The following ANKRD44 variants were observed in gnomAD, a reference collection of about 807,000 sequenced individuals.
ANKRD44 encodes ankyrin repeat domain 44, also known as serine/threonine-protein phosphatase 6 regulatory ankyrin repeat subunit B.
A neutral mutation model predicts 116.0 loss-of-function variants in ANKRD44; 35 were observed. The ratio of observed to expected loss-of-function variants is 0.30; its 90% CI spans 0.23 to 0.40. The LOEUF (loss-of-function observed/expected upper bound fraction) is 0.40. Among genes scored for constraint, ANKRD44 ranks in the 10% least tolerant of loss-of-function variants. The pLI is 1.00. For synonymous variants in ANKRD44, 435 were observed against 461.8 expected, an observed-to-expected ratio of 0.94 and a Z score of 0.74; for missense variants, 1,014 against 1,242.6, an observed-to-expected ratio of 0.82 and a Z score of 2.77.
intron 17 of ANKRD44, among the ~76,000 whole-genome samples, chr2:197,024,440 C>G (rs1305311681): frequency 6.6e-6 from 1 of 152,172 alleles, no homozygotes; most frequent in East Asian, 1.9e-4. Context: ...GTGTGGCTGC[C>G]AGTCAGCAGG....
chr2:197,040,765 C>T (rs1259092520), intron 16 of ANKRD44, among the ~76,000 whole-genome samples: 1 of 152,124 alleles, frequency 6.6e-6, no homozygotes, highest in African/African-American at 2.4e-5. Context: ...TAGCTTATTG[C>T]CCTGTAGGAC....
intron 1 of ANKRD44, among the ~76,000 whole-genome samples, chr2:197,304,600 C>T (rs1441721673): frequency 6.6e-6 from 1 of 152,152 alleles, no homozygotes; most frequent in African/African-American, 2.4e-5. Flanking sequence ...AGAGCTGAGG[C>T]ACCATAAAGG....
At chr2:197,262,446 C>T (rs1245838962) in intron 1 of ANKRD44, among the ~76,000 whole-genome samples, 1 of 152,168 alleles carries the variant, frequency 6.6e-6, no homozygotes, top group Non-Finnish European at 1.5e-5. Flanking sequence ...CCAGAATGAA[C>T]AATTTTGACC....
intron 22 of ANKRD44, 115 bp downstream of exon 22, chr2:197,001,638 G>A (rs1194108611): frequency 1.5e-6 from 1 of 685,796 alleles, no homozygotes; most frequent in East Asian, 2.8e-5. Flanking sequence ...CAGCAAAAAT[G>A]GAATATTTCA....
Position 196,986,980 on chromosome 2 carries a change from T to C in ANKRD44, c.*2611A>G. ...AAATATGTTATGCAAAATATAACAC[T>C]GGCACCAGATTTGTATCATCGTGCT... On this transcript the variant is annotated 3_prime_UTR_variant, in exon 28 of 28. Transcript: ENST00000282272. 1.0e-6 allele frequency: 1 copy of C among 985,426 alleles called. No individual in the cohort carries two copies. Among genetic ancestry groups the C allele is most frequent in the Non-Finnish European group, 1.2e-6 (1 of 829,910 alleles). 61.0% of individuals were successfully genotyped at this position (985,426 alleles called of 1,614,324 possible).
intron 1 of ANKRD44, chr2:197,296,412 A>G (rs1444153648): frequency 6.6e-6 from 1 of 152,168 alleles, no homozygotes; most frequent in Non-Finnish European, 1.5e-5. Flanking sequence ...AGAACTCCCA[A>G]GATATAAGTG....
intron 1 of ANKRD44, among the ~76,000 whole-genome samples, chr2:197,280,632 G>C (rs1284412253): frequency 2.0e-5 from 3 of 152,198 alleles, no homozygotes; most frequent in Admixed American, 1.3e-4. Context: ...CCACGGTCTT[G>C]ATAAGCCTCG....
chr2:197,125,914 G>A lies in ANKRD44; in HGVS notation c.385C>T (p.Leu129=), dbSNP rs2078965201. The change falls in exon 5 of 28, where the codon CTG becomes TTG. Residue 129 remains leucine (L), a synonymous_variant. Coordinates refer to ENST00000282272, the MANE Select transcript of ANKRD44 (RefSeq NM_001195144.2). ...TCGGAGACATTGACACTGCTCAGCAGGGGAATGATCACTTCTGCACATTTG... is the reference window on the plus strand; with the variant it reads ...TCGGAGACATTGACACTGCTCAGCAAGGGAATGATCACTTCTGCACATTTG... The part of the protein sequence containing the change: ...AVKCAEVIIP[L]LSSVNVSDRG... 6.2e-7 allele frequency: 1 copy of A among 1,614,102 alleles called. No homozygotes were observed. Among genetic ancestry groups the A allele is most frequent in the African/African-American group, 1.3e-5 (1 of 74,936 alleles).
intron 16 of ANKRD44, among the ~76,000 whole-genome samples, chr2:197,052,538 T>C (rs1308551774): frequency 6.6e-6 from 1 of 152,100 alleles, no homozygotes; most frequent in Non-Finnish European, 1.5e-5. Context: ...AATTAGGCAA[T>C]GTTCCAAGTC....
intron 8 of ANKRD44, among the ~76,000 whole-genome samples, chr2:197,116,492 T>A (rs1338090893): frequency 1.3e-5 from 2 of 152,154 alleles, no homozygotes; most frequent in Non-Finnish European, 2.9e-5. Context: ...ACGCAAAGAT[T>A]CCTTACCAAC....
chr2:197,253,413 A>C (rs1335775507), intron 1 of ANKRD44, among the ~76,000 whole-genome samples: 1 of 152,088 alleles, frequency 6.6e-6, no homozygotes, highest in Non-Finnish European at 1.5e-5. Flanking sequence ...GTCAATGTCC[A>C]CATTATCCTA....
At chr2:197,071,235 T>G (rs2077552125) in intron 16 of ANKRD44, among the ~76,000 whole-genome samples, 1 of 152,176 alleles carries the variant, frequency 6.6e-6, no homozygotes, top group Non-Finnish European at 1.5e-5. Context: ...ATCAATTTTC[T>G]GCTTATTTTG....
At chr2:197,254,398 AC>A (rs149790527) in intron 1 of ANKRD44, among the ~76,000 whole-genome samples, 15,496 of 151,866 alleles carry the variant, frequency 0.1, 838 homozygotes, top group Middle Eastern at 0.13. Context: ...AACAACAACA[AC>A]AAAAAAAACT....
chr2:197,192,667 A>G (rs1440455233), intron 1 of ANKRD44, among the ~76,000 whole-genome samples: 1 of 152,190 alleles, frequency 6.6e-6, no homozygotes, highest in Non-Finnish European at 1.5e-5. Flanking sequence ...AAATTTGTTC[A>G]AGTCACTAGA....
chr2:197,276,693 G>C (rs1022776063), intron 1 of ANKRD44, among the ~76,000 whole-genome samples: 4 of 151,810 alleles, frequency 2.6e-5, no homozygotes, highest in Admixed American at 2.0e-4. Flanking sequence ...TTTAAATATT[G>C]TGTGTGAGTT....
chr2:197,205,710 G>A (rs554857252), intron 1 of ANKRD44, among the ~76,000 whole-genome samples: 13 of 152,252 alleles, frequency 8.5e-5, no homozygotes, highest in African/African-American at 2.4e-4. Flanking sequence ...AAGAAGCTTC[G>A]AATCTAGAGA....
intron 16 of ANKRD44, 52 bp downstream of exon 16, chr2:197,078,651 T>C: frequency 6.3e-7 from 1 of 1,596,764 alleles, no homozygotes; most frequent in South Asian, 1.1e-5. Flanking sequence ...CCTCTGTGAT[T>C]TGGGGTATGT....
intron 2 of ANKRD44, among the ~76,000 whole-genome samples, chr2:197,176,223 A>C (rs2080360697): frequency 6.6e-6 from 1 of 152,234 alleles, no homozygotes; most frequent in Non-Finnish European, 1.5e-5. Flanking sequence ...ATGGGAAATA[A>C]ATAAACTTCT....
In ANKRD44 at chr2:197,110,747, ACTGAAG is replaced by A. The variant is rs756420373; in HGVS notation, c.985+13_985+18del. The A allele has an allele frequency of 6.3e-7, 1 of 1,599,666 alleles. No homozygotes were observed. On this transcript the variant is annotated intron_variant, in intron 9 of 27. Transcript: ENST00000282272. Reference sequence around the variant, plus strand: ...AAGAAACTATCGAAATAATGACACTACTGAAGCATCTCTCTTACCATTCTGAATGAG... The same window carrying A: ...AAGAAACTATCGAAATAATGACACTACATCTCTCTTACCATTCTGAATGAG...
Sources: gnomAD v4.1 joint callset for allele counts (sites outside exome capture counted in the v4.1 genomes callset) on GRCh38, gnomAD v4.1.1 for gene constraint, MANE v1.5 for transcripts, NCBI Gene and HGNC (gene_info 2026-07-23, HGNC 2026-07-21) for gene names.